Variants in PBX1 observed in about 807,000 individuals in gnomAD.
PBX1 encodes PBX homeobox 1, also known as pre-B-cell leukemia transcription factor 1.
PBX1 carries 6 observed loss-of-function variants against 53.4 expected under a neutral mutation model. That is an observed-to-expected ratio of 0.11 (90% confidence interval 0.06 to 0.22). The LOEUF (loss-of-function observed/expected upper bound fraction) is 0.22. Among genes scored for constraint, PBX1 ranks in the 10% least tolerant of loss-of-function variants. The pLI, the probability that PBX1 is intolerant of heterozygous loss-of-function variation, is 1.00. For synonymous variants in PBX1, 204 were observed against 212.3 expected (o/e 0.96, Z 0.34); for missense variants, 251 against 551.4 (o/e 0.46, Z 5.46).
At chr1:164,622,131 G>A (rs1391987874) in intron 2 of PBX1, among the ~76,000 whole-genome samples, 1 of 152,146 alleles carries the variant, frequency 6.6e-6, no homozygotes, top group Non-Finnish European at 1.5e-5. Flanking sequence ...CTTTCCGTGT[G>A]GGCCCAGGAG....
intron 2 of PBX1, among the ~76,000 whole-genome samples, chr1:164,619,185 A>T (rs778750993): frequency 4.6e-5 from 7 of 152,122 alleles, no homozygotes; most frequent in Non-Finnish European, 1.0e-4. Flanking sequence ...ACCACCTTTG[A>T]TTCCCTCTTT....
chr1:164,880,879 T>C (rs1217358882), intron 2 of PBX1, among the ~76,000 whole-genome samples: 9 of 152,196 alleles, frequency 5.9e-5, no homozygotes, highest in Admixed American at 2.6e-4. Flanking sequence ...AAGGACAGTT[T>C]GGAAAAGGAA....
chr1:164,849,030 T>C lies in PBX1; in HGVS notation c.*2354T>C. On this transcript the variant is annotated 3_prime_UTR_variant, in exon 9 of 9. Transcript: ENST00000420696. ...GAGCATTTTTGTGACAACTTCATAG[T>C]GATTAGAATCAGTGGAGAACTCCAT... The C allele has an allele frequency of 8.2e-7, 1 of 1,218,454 alleles. No homozygotes were observed. The highest frequency in any genetic ancestry group is 1.0e-6 in the Non-Finnish European group (1 of 972,402). The allele number at this position is 1,218,454 out of a possible 1,614,324, so 75.5% of individuals were successfully genotyped here. A position where few individuals can be genotyped will look rare whatever the true frequency, so the allele number is the denominator to read the frequency against.
intron 8 of PBX1, among the ~76,000 whole-genome samples, chr1:164,843,013 GT>G (rs1482359034): frequency 7.0e-6 from 1 of 142,764 alleles, no homozygotes; most frequent in African/African-American, 2.6e-5. Flanking sequence ...TTCACCCACA[GT>G]CGAGGTAGAG....
chr1:164,588,585 C>A (rs1655124558), intron 2 of PBX1, among the ~76,000 whole-genome samples: 1 of 139,806 alleles, frequency 7.2e-6, no homozygotes, highest in African/African-American at 2.6e-5. Context: ...CAATGAGTTT[C>A]ATCTGTTTTT....
chr1:164,806,988 G>A (rs1278089709), intron 4 of PBX1, among the ~76,000 whole-genome samples: 6 of 152,216 alleles, frequency 3.9e-5, no homozygotes, highest in African/African-American at 1.4e-4. Flanking sequence ...GCTGGGCGCG[G>A]TGGCTCATGC....
At chr1:164,769,429 T>TTGCCCCTAATGAAGGCCCCTGAGACA (rs1341159097) in intron 2 of PBX1, 4 of 152,188 alleles carry the variant, frequency 2.6e-5, no homozygotes, top group African/African-American at 9.7e-5. Context: ...GGAAAGCACC[T>TTGCCCCTAATGAAGGCCCCTGAGACA]TGCCCCTAAT....
chr1:164,797,919 C>G (rs563889551), intron 3 of PBX1, among the ~76,000 whole-genome samples: 57 of 152,190 alleles, frequency 3.7e-4, no homozygotes, highest in Non-Finnish European at 3.8e-4. Context: ...GGAGCTGAAC[C>G]CAGACTGTGC....
intron 2 of PBX1, among the ~76,000 whole-genome samples, chr1:164,707,009 A>G (rs1663460530): frequency 6.6e-6 from 1 of 152,156 alleles, no homozygotes; most frequent in African/African-American, 2.4e-5. Context: ...GGTCTTGGCC[A>G]GTTTGCCATC....
intron 2 of PBX1, among the ~76,000 whole-genome samples, chr1:164,874,100 G>A (rs1037608990): frequency 1.3e-5 from 2 of 152,126 alleles, no homozygotes; most frequent in South Asian, 2.1e-4. Flanking sequence ...ACCTTTGCAG[G>A]TGAGCAGCTG....
intron 2 of PBX1, among the ~76,000 whole-genome samples, chr1:164,714,286 T>A (rs1266436617): frequency 1.3e-5 from 2 of 152,232 alleles, no homozygotes; most frequent in African/African-American, 2.4e-5. Context: ...ATGATCTAGT[T>A]CAAGCCTCTC....
chr1:164,605,670 T>C lies in PBX1; in HGVS notation c.265+42359T>C, dbSNP rs567323481. Among the ~76,000 whole-genome samples, 3 of 152,340 alleles carry C rather than the reference T, an allele frequency of 2.0e-5. No individual in the cohort carries two copies. In the South Asian group the frequency reaches 6.2e-4, roughly 32 times the overall value. Reference sequence around the variant, plus strand: ...CTGACCAAGCATATAAATAAAGCTATGAAATTAATACATACATGTTGAGCA... The same window carrying C: ...CTGACCAAGCATATAAATAAAGCTACGAAATTAATACATACATGTTGAGCA... On this transcript the variant is annotated intron_variant, in intron 2 of 8. Transcript: ENST00000420696.
chr1:164,675,366 G>A (rs1661373735), intron 2 of PBX1, among the ~76,000 whole-genome samples: 1 of 151,848 alleles, frequency 6.6e-6, no homozygotes, highest in Non-Finnish European at 1.5e-5. Flanking sequence ...AAGTAATTGC[G>A]GTTTTTGCCT....
intron 2 of PBX1, among the ~76,000 whole-genome samples, chr1:164,685,847 C>T (rs1018271306): frequency 6.6e-6 from 1 of 152,196 alleles, no homozygotes; most frequent in Non-Finnish European, 1.5e-5. Flanking sequence ...CACAGGCCGC[C>T]CTCCTGGCAG....
chr1:164,614,723 T>C (rs1657153256), intron 2 of PBX1, among the ~76,000 whole-genome samples: 1 of 152,218 alleles, frequency 6.6e-6, no homozygotes, highest in South Asian at 2.1e-4. Context: ...ACAGGTTTTC[T>C]AGGGCATGAC....
chr1:164,736,202 C>T (rs991168615), intron 2 of PBX1, among the ~76,000 whole-genome samples: 5 of 152,114 alleles, frequency 3.3e-5, no homozygotes, highest in South Asian at 2.1e-4. Context: ...GCCTTCAGGC[C>T]GGAATTGCCC....
At chr1:164,631,140 C>T (rs1287960168) in intron 2 of PBX1, 1 of 152,190 alleles carries the variant, frequency 6.6e-6, no homozygotes, top group Non-Finnish European at 1.5e-5. Flanking sequence ...ATTGTTATCT[C>T]ACTATTACTG....
chr1:164,573,561 G>A (rs541096070), intron 2 of PBX1, among the ~76,000 whole-genome samples: 2 of 146,706 alleles, frequency 1.4e-5, no homozygotes, highest in African/African-American at 5.1e-5. Context: ...GCGTGATCTC[G>A]GCTCACTGCA....
chr1:164,640,170 A>G (rs921100744), intron 2 of PBX1, among the ~76,000 whole-genome samples: 3 of 152,072 alleles, frequency 2.0e-5, no homozygotes, highest in African/African-American at 7.2e-5. Flanking sequence ...GGAGGTCTGG[A>G]TGTGCTAGGT....
Sources: gnomAD v4.1 joint callset for allele counts (sites outside exome capture counted in the v4.1 genomes callset) on GRCh38, gnomAD v4.1.1 for gene constraint, MANE v1.5 for transcripts, NCBI Gene and HGNC (gene_info 2026-07-23, HGNC 2026-07-21) for gene names.